Variants in ACP3 observed in about 807,000 individuals in gnomAD.
The protein encoded by ACP3 is acid phosphatase 3, also known as prostatic acid phosphatase.
Under a neutral mutation model 45.6 loss-of-function variants are expected in ACP3, and 38 were observed. That is an observed-to-expected ratio of 0.83 (90% CI 0.64 to 1.09). The LOEUF (loss-of-function observed/expected upper bound fraction) is 1.09, where lower values mean the gene tolerates loss of function less well. ACP3 is among the 50% of genes least tolerant of loss of function. The pLI, the probability that ACP3 is intolerant of heterozygous loss-of-function variation, is 0.00. For missense variants in ACP3, 466 were observed against 463.2 expected (o/e 1.01, Z -0.05); for synonymous variants, 162 against 164.7 (o/e 0.98, Z 0.13).
intron 5 of ACP3, among the ~76,000 whole-genome samples, chr3:132,337,833 G>A (rs1028724045): frequency 6.6e-6 from 1 of 152,136 alleles, no homozygotes; most frequent in Non-Finnish European, 1.5e-5. Flanking sequence ...ATGGCTGGAT[G>A]AGAATAAATA....
At position 132,352,781 on chromosome 3, in the gene ACP3, C is replaced by T; in HGVS notation, c.926C>T (p.Pro309Leu). The T allele has an allele frequency of 6.2e-7, 1 of 1,613,824 alleles. No homozygotes were observed. The highest frequency in any genetic ancestry group is 8.5e-7 in the Non-Finnish European group (1 of 1,179,750). The change falls in exon 9 of 10, where the codon CCC becomes CTC. Residue 309 changes from proline to leucine, a missense_variant. Pro to Leu is a moderately conservative substitution (Grantham distance 98). Transcript: ENST00000336375. ...ALDVYNGLLPPYASCHLTELY... is the reference protein window; with the variant it reads ...ALDVYNGLLPLYASCHLTELY... ...GATGTTTACAACGGACTCCTTCCTCCCTATGCTTCTTGCCACTTGACGGAA... is the reference window on the plus strand; with the variant it reads ...GATGTTTACAACGGACTCCTTCCTCTCTATGCTTCTTGCCACTTGACGGAA...
intron 5 of ACP3, among the ~76,000 whole-genome samples, chr3:132,338,301 G>T (rs1287007704): frequency 6.7e-6 from 1 of 150,008 alleles, no homozygotes. Flanking sequence ...TTCCATTTAA[G>T]AAAATATATT....
rs1937592207 is a variant in ACP3 at position 132,344,935 on chromosome 3, CA to C, written c.659del (p.Asn220IlefsTer13). The stretch of plus-strand genomic sequence containing the variant: ...CTTTTTCTTTGCTACAGAGTGTTCA[CA>C]ATTTCACTTTACCCTCCTGGGCCAC... ...YDPLYCESVH[N>X]FTLPSWATED... On this transcript the variant is annotated frameshift_variant, in exon 7 of 10. Coordinates refer to ENST00000336375, the MANE Select transcript of ACP3 (RefSeq NM_001099.5). LOFTEE classifies it high-confidence loss of function. 4 of 1,613,696 alleles carry C rather than the reference CA, an allele frequency of 2.5e-6. No individual in the cohort carries two copies. The highest frequency in any genetic ancestry group is 3.4e-6 in the Non-Finnish European group (4 of 1,179,860).
intron 6 of ACP3, among the ~76,000 whole-genome samples, chr3:132,343,922 C>G (rs1937578606): frequency 6.6e-6 from 1 of 152,204 alleles, no homozygotes; most frequent in South Asian, 2.1e-4. Flanking sequence ...TCATTTGAGG[C>G]TAGAAGTTCA....
chr3:132,317,716 A>T, intron 1 of ACP3, 140 bp downstream of exon 1: 1 of 969,320 alleles, frequency 1.0e-6, no homozygotes, highest in Non-Finnish European at 1.4e-6. Flanking sequence ...GTGAATAATC[A>T]AGTTTTGCAA....
chr3:132,332,448 T>C, intron 4 of ACP3, 104 bp downstream of exon 4: 4 of 1,281,038 alleles, frequency 3.1e-6, no homozygotes, highest in Non-Finnish European at 4.4e-6. Context: ...CCTTGAGCTG[T>C]GCAGTTTTAA....
chr3:132,328,676 T>G (rs1348654490), intron 2 of ACP3, among the ~76,000 whole-genome samples: 1 of 95,864 alleles, frequency 1.0e-5, no homozygotes, highest in African/African-American at 4.1e-5. Flanking sequence ...TAAAACTCTA[T>G]CTCAAAAAAA....
rs1937969176 is a variant in ACP3, at chr3:132,358,494, AAC to A, written c.*1619_*1620del. On this transcript the variant is annotated 3_prime_UTR_variant, in exon 10 of 10. Coordinates refer to ENST00000336375, the MANE Select transcript of ACP3 (RefSeq NM_001099.5). The stretch of plus-strand genomic sequence containing the variant: ...ATGTGGCAGATCTACATGTCTAGAG[AAC>A]ACTGTGCTCTATTACCATTATGGAT... 7.9e-7 allele frequency: 1 copy of A among 1,267,552 alleles called. No homozygotes were observed. Among genetic ancestry groups the A allele is most frequent in the Non-Finnish European group, 1.0e-6 (1 of 975,420 alleles). The allele number at this position is 1,267,552 out of a possible 1,614,324, so 78.5% of individuals were successfully genotyped here.
Position 132,357,534 on chromosome 3 carries a change from A to G in ACP3, c.*656A>G. On this transcript the variant is annotated 3_prime_UTR_variant, in exon 10 of 10. Coordinates refer to ENST00000336375, the MANE Select transcript of ACP3 (RefSeq NM_001099.5). ...TCTTTGTGTCCCTTGGTCCTGGAAC[A>G]TTTATGTTCCTTTTAAAGAAACAAA... The G allele has an allele frequency of 1.0e-6, 1 of 984,868 alleles. No homozygotes were observed. Among genetic ancestry groups the G allele is most frequent in the Non-Finnish European group, 1.2e-6 (1 of 829,396 alleles). The allele number at this position is 984,868 out of a possible 1,614,324, so 61.0% of individuals were successfully genotyped here. A position where few individuals can be genotyped will look rare whatever the true frequency, so the allele number is the denominator to read the frequency against.
downstream of ACP3, among the ~76,000 whole-genome samples, chr3:132,360,535 G>A (rs9846023): frequency 0.22 from 33,924 of 152,026 alleles, 3,963 homozygotes; most frequent in South Asian, 0.28. Context: ...ATTCCAGATC[G>A]TATCAATTAA....
intron 4 of ACP3, among the ~76,000 whole-genome samples, chr3:132,337,063 GGTGTGTGTGT>G (rs113543420): frequency 2.1e-5 from 3 of 144,894 alleles, no homozygotes; most frequent in East Asian, 2.0e-4. Context: ...CATGCGTTGG[GGTGTGTGTGT>G]GTGTGTGTGT....
At chr3:132,333,493 G>C (rs914901573) in intron 4 of ACP3, 5 of 152,584 alleles carry the variant, frequency 3.3e-5, no homozygotes, top group Admixed American at 3.3e-4. Flanking sequence ...TGACCTCTGG[G>C]GTAGGTTACT....
At chr3:132,332,549 T>C (rs1407922517) in intron 4 of ACP3, 1 of 586,934 alleles carries the variant, frequency 1.7e-6, no homozygotes, top group East Asian at 3.1e-5. Flanking sequence ...TTTGGATCTG[T>C]ATGATCCACT....
downstream of ACP3, among the ~76,000 whole-genome samples, chr3:132,362,321 C>T (rs2107823448): frequency 6.6e-6 from 1 of 152,336 alleles, no homozygotes; most frequent in South Asian, 2.1e-4. Context: ...ACTCACTTTT[C>T]ATTCCACTGT....
chr3:132,355,656 T>C (rs55768942), intron 9 of ACP3, among the ~76,000 whole-genome samples: 18,910 of 152,130 alleles, frequency 0.12, 1,390 homozygotes, highest in Non-Finnish European at 0.18. Context: ...TAGCTGGGAC[T>C]ATAGGCATGT....
At position 132,350,021 on chromosome 3, in the gene ACP3, A is replaced by G. The variant is rs1230782663; in HGVS notation, c.864+19A>G. On this transcript the variant is annotated intron_variant, in intron 8 of 9. Transcript: ENST00000336375. Reference sequence around the variant, plus strand: ...TTCTGCGGTAAGTATTTTCATCTTCATTTAACATATGTTTGTTCAAGTGTG... The same window carrying G: ...TTCTGCGGTAAGTATTTTCATCTTCGTTTAACATATGTTTGTTCAAGTGTG... 3 of 1,520,264 alleles carry G rather than the reference A, an allele frequency of 2.0e-6. No homozygotes were observed. The East Asian group carries it at 6.7e-5, about 34-fold the overall frequency. 94.2% of individuals were successfully genotyped at this position (1,520,264 alleles called of 1,614,324 possible).
chr3:132,337,764 A>G (rs1215066884), intron 5 of ACP3, among the ~76,000 whole-genome samples: 1 of 152,246 alleles, frequency 6.6e-6, no homozygotes, highest in Non-Finnish European at 1.5e-5. Context: ...AAGCCAATAG[A>G]CAAGCCAGTC....
In ACP3 at chr3:132,357,260, A is replaced by G; in HGVS notation, c.*382A>G. The G allele has an allele frequency of 1.0e-6, 1 of 988,368 alleles. No individual in the cohort carries two copies. Among genetic ancestry groups the G allele is most frequent in the Non-Finnish European group, 1.2e-6 (1 of 831,800 alleles). The allele number at this position is 988,368 out of a possible 1,614,324, so 61.2% of individuals were successfully genotyped here. Reference sequence around the variant, plus strand: ...AGGATTAGATAAGGCTGTTCTTTAAATGTCTGAAATGGAACAGATTTCAAA... The same window carrying G: ...AGGATTAGATAAGGCTGTTCTTTAAGTGTCTGAAATGGAACAGATTTCAAA... On this transcript the variant is annotated 3_prime_UTR_variant, in exon 10 of 10. Coordinates refer to ENST00000336375, the MANE Select transcript of ACP3 (RefSeq NM_001099.5).
At chr3:132,354,396 G>A (rs1305710818) in intron 9 of ACP3, among the ~76,000 whole-genome samples, 1 of 152,148 alleles carries the variant, frequency 6.6e-6, no homozygotes, top group Non-Finnish European at 1.5e-5. Flanking sequence ...CAAATCAAGT[G>A]TGGAGTATTT....
Sources: allele counts gnomAD v4.1 joint callset (sites outside exome capture counted in the v4.1 genomes callset), GRCh38; gene constraint gnomAD v4.1.1; transcripts MANE v1.5; gene names NCBI Gene and HGNC (gene_info 2026-07-23, HGNC 2026-07-21).